Variants in DNAJC7 observed in about 807,000 individuals in gnomAD.
DNAJC7 encodes the protein dnaJ homolog subfamily C member 7.
Under a neutral mutation model 67.4 loss-of-function variants are expected in DNAJC7, and 18 were observed. That is an observed-to-expected ratio of 0.27 (90% CI 0.18 to 0.40). The LOEUF (loss-of-function observed/expected upper bound fraction) is 0.40, where lower values mean the gene tolerates loss of function less well. Ranked by LOEUF, DNAJC7 falls within the 10% of genes least tolerant of loss-of-function variation. The pLI, the probability that DNAJC7 is intolerant of heterozygous loss-of-function variation, is 1.00. For missense variants in DNAJC7, 419 were observed against 613.8 expected (o/e 0.68, Z 3.35); for synonymous variants, 220 against 207.8 (o/e 1.06, Z -0.50).
chr17:41,998,277 C>T (rs1316616186), intron 2 of DNAJC7, among the ~76,000 whole-genome samples: 1 of 152,052 alleles, frequency 6.6e-6, no homozygotes. Flanking sequence ...TTGAGACCAG[C>T]CTGGCCAACA....
intron 5 of DNAJC7, among the ~76,000 whole-genome samples, chr17:41,991,538 A>G (rs555813993): frequency 5.8e-4 from 89 of 152,286 alleles, no homozygotes; most frequent in African/African-American, 2.1e-3. Context: ...AAGGATCTTT[A>G]TTTTATATAA....
At chr17:42,003,505 C>T (rs1050973223) in intron 1 of DNAJC7, 1 of 152,210 alleles carries the variant, frequency 6.6e-6, no homozygotes, top group African/African-American at 2.4e-5. Context: ...GAAGCTTGTT[C>T]AAGTTGCCTT....
Position 41,976,509 on chromosome 17 carries a change from C to A in DNAJC7, c.*224G>T. ...AGTTAAACAGTAAAACAAAAATTCACAAGCTGCCTCCCTGTCCACCCCCGC... is the reference window on the plus strand; with the variant it reads ...AGTTAAACAGTAAAACAAAAATTCAAAAGCTGCCTCCCTGTCCACCCCCGC... On this transcript the variant is annotated 3_prime_UTR_variant, in exon 14 of 14. Transcript: ENST00000457167. The A allele has an allele frequency of 1.9e-6, 1 of 516,438 alleles. No homozygotes were observed. Among genetic ancestry groups the A allele is most frequent in the Non-Finnish European group, 3.4e-6 (1 of 298,440 alleles). The allele number at this position is 516,438 out of a possible 1,614,324, so 32.0% of individuals were successfully genotyped here. A position where few individuals can be genotyped will look rare whatever the true frequency, so the allele number is the denominator to read the frequency against.
At chr17:41,990,815 C>T (rs964825037) in intron 5 of DNAJC7, among the ~76,000 whole-genome samples, 6 of 151,860 alleles carry the variant, frequency 4.0e-5, no homozygotes, top group Admixed American at 3.3e-4. Flanking sequence ...TACAGGCGCC[C>T]GCCACCACGC....
chr17:42,004,898 G>C (rs2051905602), intron 1 of DNAJC7, among the ~76,000 whole-genome samples: 1 of 152,142 alleles, frequency 6.6e-6, no homozygotes, highest in Non-Finnish European at 1.5e-5. Context: ...GGTGGTGCAA[G>C]TCTGTAGTCC....
chr17:41,998,656 C>G (rs2143255109), intron 2 of DNAJC7, among the ~76,000 whole-genome samples: 1 of 152,214 alleles, frequency 6.6e-6, no homozygotes, highest in Middle Eastern at 3.4e-3. Flanking sequence ...ATGAAATGTG[C>G]ATGTTGAGCT....
At chr17:41,977,440 C>T (rs2051118882) in intron 12 of DNAJC7, 117 bp from the exon 13 acceptor site, 1 of 905,302 alleles carries the variant, frequency 1.1e-6, no homozygotes. Context: ...AGTCTCACTC[C>T]CCTCCTTTCC....
intron 1 of DNAJC7, among the ~76,000 whole-genome samples, chr17:42,001,676 G>A (rs567438212): frequency 6.6e-6 from 1 of 152,298 alleles, no homozygotes; most frequent in East Asian, 1.9e-4. Flanking sequence ...GCCTGAAGTT[G>A]AGGCAAAAGT....
chr17:42,017,014 C>A, intron 1 of DNAJC7: 1 of 1,303,392 alleles, frequency 7.7e-7, no homozygotes, highest in Non-Finnish European at 9.8e-7. Flanking sequence ...AGGAAGTCGT[C>A]ATCGACGCCG....
At chr17:41,985,348 A>G (rs2051349335) in intron 9 of DNAJC7, 1 of 152,116 alleles carries the variant, frequency 6.6e-6, no homozygotes, top group South Asian at 2.1e-4. Context: ...ATAAAATGTA[A>G]TAATTTGAAG....
chr17:41,980,779 C>A (rs1201134153), intron 12 of DNAJC7, among the ~76,000 whole-genome samples: 2 of 152,150 alleles, frequency 1.3e-5, no homozygotes, highest in African/African-American at 2.4e-5. Flanking sequence ...CATGCTAAAT[C>A]TTTTTGGGAA....
rs5820439 is a variant in DNAJC7 at position 41,986,047 on chromosome 17, TAAAAAAAAAAAAAAAAAA to T, written c.1010+1754_1010+1771del. 2.2e-4 allele frequency: 7 copies of T among 32,552 alleles called. 1 individual carries two copies. In the Admixed American group the frequency reaches 2.8e-3, roughly 13 times the overall value. The allele number at this position is 32,552 out of a possible 1,614,324, so 2.0% of individuals were successfully genotyped here. ...TTTTCTATGGTGTTGGGGGCTTGCT[TAAAAAAAAAAAAAAAAAA>T]AAAAAAAAAAAAAAGGCCGGGCGCG... On this transcript the variant is annotated intron_variant, in intron 9 of 13. Coordinates refer to ENST00000457167, the MANE Select transcript of DNAJC7 (RefSeq NM_003315.4).
intron 9 of DNAJC7, chr17:41,985,758 G>C (rs2051358130): frequency 1.3e-5 from 2 of 152,084 alleles, no homozygotes; most frequent in African/African-American, 4.8e-5. Context: ...CAGATGTAAG[G>C]GTTTGGCCCG....
chr17:42,005,377 T>C (rs1286735923), intron 1 of DNAJC7, among the ~76,000 whole-genome samples: 1 of 152,198 alleles, frequency 6.6e-6, no homozygotes, highest in African/African-American at 2.4e-5. Flanking sequence ...AAAATTTCCA[T>C]TTTCTCTCTA....
chr17:42,007,388 C>T (rs566513030), intron 1 of DNAJC7, among the ~76,000 whole-genome samples: 99 of 152,174 alleles, frequency 6.5e-4, no homozygotes, highest in African/African-American at 2.1e-3. Flanking sequence ...ACCTCTTGTC[C>T]CCAATGGCAT....
intron 5 of DNAJC7, among the ~76,000 whole-genome samples, chr17:41,991,601 A>T (rs1567960397): frequency 6.6e-6 from 1 of 152,220 alleles, no homozygotes; most frequent in Admixed American, 6.5e-5. Flanking sequence ...TGGTTAGCTT[A>T]GGGGAGTGAG....
chr17:41,997,360 G>A (rs2051689792), intron 2 of DNAJC7, 121 bp from the exon 3 acceptor site: 3 of 1,295,486 alleles, frequency 2.3e-6, no homozygotes, highest in African/African-American at 1.5e-5. Context: ...AGGCCAAGAG[G>A]GGAGACCACT....
At position 41,982,420 on chromosome 17, in the gene DNAJC7, C is replaced by T; in HGVS notation, c.1085-19G>A. 6.2e-7 allele frequency: 1 copy of T among 1,612,400 alleles called. No homozygotes were observed. Among genetic ancestry groups the T allele is most frequent in the Non-Finnish European group, 8.5e-7 (1 of 1,179,070 alleles). ...TTGTGTTCTACAGGAAGACATCTGG[C>T]ATCAGTGGACAAATCTGACTCTGGT... On this transcript the variant is annotated intron_variant, in intron 10 of 13. Coordinates refer to ENST00000457167, the MANE Select transcript of DNAJC7 (RefSeq NM_003315.4).
chr17:41,983,384 A>G (rs2051299635), intron 10 of DNAJC7, among the ~76,000 whole-genome samples, 179 bp downstream of exon 10: 2 of 152,092 alleles, frequency 1.3e-5, no homozygotes. Context: ...TCAGCCTCCC[A>G]AAGTGCTGGG....
Sources: allele counts gnomAD v4.1 joint callset (sites outside exome capture counted in the v4.1 genomes callset), GRCh38; gene constraint gnomAD v4.1.1; transcripts MANE v1.5; gene names NCBI Gene and HGNC (gene_info 2026-07-23, HGNC 2026-07-21).